The following GLB1 variants were observed in gnomAD, a reference collection of about 807,000 sequenced individuals.
The protein encoded by GLB1 is beta-galactosidase.
Under a neutral mutation model 74.0 loss-of-function variants are expected in GLB1, and 56 were observed. The ratio of observed to expected loss-of-function variants is 0.76; its 90% CI spans 0.61 to 0.94. The LOEUF (loss-of-function observed/expected upper bound fraction) is 0.94, where lower values mean the gene tolerates loss of function less well. GLB1 is among the 40% of genes least tolerant of loss of function. GLB1 has a pLI of 0.00. For missense variants in GLB1, 787 were observed against 845.5 expected, an observed-to-expected ratio of 0.93 and a Z score of 0.86; for synonymous variants, 323 against 323.6, an observed-to-expected ratio of 1.00 and a Z score of 0.02.
At chr3:33,021,955 G>A (rs1697505381) in intron 11 of GLB1, among the ~76,000 whole-genome samples, 2 of 152,242 alleles carry the variant, frequency 1.3e-5, no homozygotes, top group South Asian at 2.1e-4. Context: ...GAAAACGAAG[G>A]CTCAGATGCT....
intron 5 of GLB1, among the ~76,000 whole-genome samples, chr3:33,062,308 C>T (rs1699473901): frequency 2.0e-5 from 3 of 152,140 alleles, no homozygotes; most frequent in Non-Finnish European, 4.4e-5. Flanking sequence ...GCTGGGAACA[C>T]GGGTGCATGG....
intron 1 of GLB1, chr3:33,092,852 G>C (rs949776705): frequency 6.2e-7 from 1 of 1,607,370 alleles, no homozygotes; most frequent in Non-Finnish European, 8.5e-7. Context: ...ACCGCTGCAG[G>C]ATGAGCTCTG....
the GLB1 span, among the ~76,000 whole-genome samples, chr3:32,965,097 C>T: frequency 6.6e-6 from 1 of 152,136 alleles, no homozygotes; most frequent in Non-Finnish European, 1.5e-5. Flanking sequence ...TCAGGTATAT[C>T]CTTATTAGCA....
chr3:33,045,068 T>C (rs1047871244), intron 10 of GLB1, among the ~76,000 whole-genome samples: 2 of 152,190 alleles, frequency 1.3e-5, no homozygotes, highest in Non-Finnish European at 2.9e-5. Context: ...AGACACACAT[T>C]TTCTTACATT....
At chr3:33,048,587 CCTTT>C (rs1264158790) in intron 9 of GLB1, among the ~76,000 whole-genome samples, 8 of 152,192 alleles carry the variant, frequency 5.3e-5, no homozygotes, top group Admixed American at 2.0e-4. Context: ...ACTCCTGATG[CCTTT>C]CTCTCCCTGC....
chr3:33,015,561 G>A (rs1378029637), intron 14 of GLB1, among the ~76,000 whole-genome samples: 3 of 152,166 alleles, frequency 2.0e-5, no homozygotes, highest in Admixed American at 6.5e-5. Context: ...TTAATAATTT[G>A]ATAAATATTA....
intron 15 of GLB1, among the ~76,000 whole-genome samples, chr3:33,000,896 T>C (rs1017558445): frequency 6.6e-6 from 1 of 152,182 alleles, no homozygotes; most frequent in Non-Finnish European, 1.5e-5. Context: ...AAGTCATAAA[T>C]CAATGTTGTC....
chr3:33,093,883 A>T lies in GLB1; in HGVS notation c.75+3128T>A. 1.9e-6 allele frequency: 3 copies of T among 1,613,942 alleles called. No individual in the cohort carries two copies. Among genetic ancestry groups the T allele is most frequent in the Non-Finnish European group, 2.5e-6 (3 of 1,179,922 alleles). ...AGATAGGGCTCTTCGGCCACTAAAAAGAACATGGTAAAGAAACTGGAATGG... is the reference window on the plus strand; with the variant it reads ...AGATAGGGCTCTTCGGCCACTAAAATGAACATGGTAAAGAAACTGGAATGG... On this transcript the variant is annotated intron_variant, in intron 1 of 15. Transcript: ENST00000307363. This position sits in a 1 kb window ranked among gnomAD's most constrained non-coding sequence, Gnocchi z 6.0.
At chr3:32,972,231 A>G in the GLB1 span, among the ~76,000 whole-genome samples, 7 of 152,314 alleles carry the variant, frequency 4.6e-5, no homozygotes, top group Non-Finnish European at 8.8e-5. Context: ...CAAAGGCACT[A>G]GATTTATTGG....
the GLB1 span, among the ~76,000 whole-genome samples, chr3:32,971,366 A>G: frequency 6.6e-6 from 1 of 152,250 alleles, no homozygotes; most frequent in African/African-American, 2.4e-5. Flanking sequence ...TTCCGGGTCC[A>G]TAAGTCATTC....
chr3:33,084,960 C>T (rs939549061), intron 1 of GLB1, among the ~76,000 whole-genome samples: 3 of 152,104 alleles, frequency 2.0e-5, no homozygotes. Context: ...CATTAGGTTA[C>T]TAAGAACCAA....
chr3:32,971,965 G>T, the GLB1 span, among the ~76,000 whole-genome samples: 1 of 152,074 alleles, frequency 6.6e-6, no homozygotes, highest in Admixed American at 6.6e-5. Flanking sequence ...AAGGCAAGAG[G>T]AACTCTTAAG....
intron 1 of GLB1, chr3:33,091,750 G>T (rs1412829812): frequency 1.0e-6 from 1 of 985,304 alleles, no homozygotes; most frequent in African/African-American, 1.7e-5. Flanking sequence ...TCCAGTCAGA[G>T]CGAGTGTCTT....
chr3:33,079,723 C>T (rs1243915635), intron 1 of GLB1, among the ~76,000 whole-genome samples: 2 of 152,094 alleles, frequency 1.3e-5, no homozygotes, highest in African/African-American at 2.4e-5. Flanking sequence ...AAATGATCTC[C>T]GATGGATATC....
At chr3:32,976,310 G>C in the GLB1 span, among the ~76,000 whole-genome samples, 1 of 152,170 alleles carries the variant, frequency 6.6e-6, no homozygotes, top group Non-Finnish European at 1.5e-5. Context: ...GCTATCGAGG[G>C]CCTTTTCTGC....
Position 33,093,608 on chromosome 3 carries a change from GGGC to G in GLB1, c.75+3400_75+3402del. On this transcript the variant is annotated intron_variant, in intron 1 of 15. Transcript: ENST00000307363. The surrounding 1 kb of genome is among the most constrained non-coding windows in gnomAD (Gnocchi z 6.0). ...TCATTGAGGCAGGCAGCTGATGGAT[GGGC>G]ACCTCCACAGTTTTCACAGCCGGGG... 6.2e-7 allele frequency: 1 copy of G among 1,614,156 alleles called. No homozygotes were observed. The highest frequency in any genetic ancestry group is 1.7e-5 in the Admixed American group (1 of 60,024).
At chr3:33,077,233 C>A in intron 1 of GLB1, 12 of 1,549,440 alleles carry the variant, frequency 7.7e-6, no homozygotes, top group Non-Finnish European at 9.6e-6. Flanking sequence ...AGGAAGGAAT[C>A]GAGACTGAGA....
At chr3:33,046,498 A>G (rs975037508) in intron 9 of GLB1, among the ~76,000 whole-genome samples, 1 of 152,124 alleles carries the variant, frequency 6.6e-6, no homozygotes, top group Non-Finnish European at 1.5e-5. Context: ...TGATTCTAGC[A>G]GGTATCACCC....
the GLB1 span, among the ~76,000 whole-genome samples, chr3:32,978,721 G>A: frequency 6.6e-6 from 1 of 151,816 alleles, no homozygotes; most frequent in African/African-American, 2.4e-5. Context: ...GAAGAGAAAA[G>A]GCTAGCCTTG....
Sources: gnomAD v4.1 joint callset for allele counts (sites outside exome capture counted in the v4.1 genomes callset) on GRCh38, gnomAD v4.1.1 for gene constraint, Gnocchi (gnomAD v3.1) non-coding constraint, MANE v1.5 for transcripts, NCBI Gene and HGNC (gene_info 2026-07-23, HGNC 2026-07-21) for gene names.